TBCK: variants seen among roughly 807,000 people sequenced by gnomAD.
TBCK encodes the protein TBC domain-containing protein kinase-like protein.
Under a neutral mutation model 113.4 loss-of-function variants are expected in TBCK, and 99 were observed. That is an observed-to-expected ratio of 0.87 (90% CI 0.74 to 1.03). The LOEUF (loss-of-function observed/expected upper bound fraction) is 1.03. TBCK is among the 50% of genes least tolerant of loss of function. The pLI is 0.00. For synonymous variants in TBCK, 369 were observed against 370.8 expected (o/e 1.00, Z 0.05); for missense variants, 1,045 against 1,061.3 (o/e 0.98, Z 0.21).
chr4:106,127,005 C>T (rs1402568532), intron 23 of TBCK, among the ~76,000 whole-genome samples: 2 of 151,820 alleles, frequency 1.3e-5, no homozygotes, highest in East Asian at 1.9e-4. Flanking sequence ...GTGAGGAGAT[C>T]GAGACTATTC....
intron 11 of TBCK, among the ~76,000 whole-genome samples, chr4:106,243,652 T>C (rs1196662518): frequency 6.6e-6 from 1 of 151,866 alleles, no homozygotes; most frequent in East Asian, 1.9e-4. Context: ...TACAGTTGCC[T>C]ACAATAATCA....
At chr4:106,252,278 C>T (rs574657469) in intron 5 of TBCK, among the ~76,000 whole-genome samples, 2 of 152,206 alleles carry the variant, frequency 1.3e-5, no homozygotes, top group South Asian at 4.1e-4. Flanking sequence ...GTTTTTAACA[C>T]AGTCCTCTAG....
intron 23 of TBCK, among the ~76,000 whole-genome samples, chr4:106,147,692 C>A (rs989402588): frequency 5.9e-5 from 9 of 152,042 alleles, no homozygotes; most frequent in African/African-American, 2.2e-4. Context: ...GGATGTATGT[C>A]CCCTCAGGAC....
At chr4:106,180,077 T>C (rs1228425228) in intron 22 of TBCK, among the ~76,000 whole-genome samples, 1 of 152,068 alleles carries the variant, frequency 6.6e-6, no homozygotes, top group Admixed American at 6.6e-5. Flanking sequence ...CTATAGTTTC[T>C]GAATCTTCTC....
At chr4:106,101,968 C>T (rs75755084) in intron 24 of TBCK, among the ~76,000 whole-genome samples, 209 of 152,306 alleles carry the variant, frequency 1.4e-3, no homozygotes, top group Non-Finnish European at 2.4e-3. Flanking sequence ...TTATAAAATG[C>T]AATTTTTGTT....
intron 12 of TBCK, chr4:106,237,662 T>C (rs1759622889): frequency 2.6e-6 from 1 of 381,526 alleles, no homozygotes; most frequent in African/African-American, 2.1e-5. Flanking sequence ...AAAAATCTTT[T>C]ACTCAAACTA....
chr4:106,238,331 T>G (rs1257386790), intron 12 of TBCK, among the ~76,000 whole-genome samples: 1 of 152,092 alleles, frequency 6.6e-6, no homozygotes, highest in Non-Finnish European at 1.5e-5. Flanking sequence ...AGACAAGAGA[T>G]TCTAATACTC....
chr4:106,222,445 C>A (rs1448807504), intron 19 of TBCK, among the ~76,000 whole-genome samples: 1 of 152,104 alleles, frequency 6.6e-6, no homozygotes, highest in African/African-American at 2.4e-5. Context: ...GACAAAATTT[C>A]AGAAAGCCCT....
intron 23 of TBCK, among the ~76,000 whole-genome samples, chr4:106,120,380 G>T (rs1248818098): frequency 2.0e-5 from 3 of 152,122 alleles, no homozygotes; most frequent in Non-Finnish European, 2.9e-5. Context: ...GCGGCAGCGA[G>T]GCTGGGGGAG....
chr4:106,251,942 G>A lies in TBCK; in HGVS notation c.521C>T (p.Pro174Leu). 1 of 1,611,838 alleles carries A rather than the reference G, an allele frequency of 6.2e-7. No individual in the cohort carries two copies. The highest frequency in any genetic ancestry group is 8.5e-7 in the Non-Finnish European group (1 of 1,178,548). Residue 174 changes from proline to leucine, a missense_variant, in exon 6 of 26, where the codon CCA becomes CTA. Pro to Leu is a moderately conservative substitution (Grantham distance 98). Coordinates refer to ENST00000394708, the MANE Select transcript of TBCK (RefSeq NM_001163435.3). ...QGIFKTTDHMPSKKPLPSGPK... is the reference protein window; with the variant it reads ...QGIFKTTDHMLSKKPLPSGPK... ...GCCAGAAGGCAATGGTTTTTTACTT[G>A]GCATGTGATCAGTGGTTTTGAAAAT...
At chr4:106,141,082 A>C (rs1747105335) in intron 23 of TBCK, among the ~76,000 whole-genome samples, 1 of 140,750 alleles carries the variant, frequency 7.1e-6, no homozygotes, top group Non-Finnish European at 1.6e-5. Flanking sequence ...TCAAGCAAAA[A>C]GACAGCAAAA....
upstream of TBCK, chr4:106,316,570 C>A (rs1768910040): frequency 6.4e-7 from 1 of 1,551,602 alleles, no homozygotes; most frequent in East Asian, 2.4e-5. Context: ...GTGGCTGTCT[C>A]GGAACCCGTG....
At chr4:106,073,850 G>A (rs570496371) in intron 25 of TBCK, among the ~76,000 whole-genome samples, 9 of 152,284 alleles carry the variant, frequency 5.9e-5, no homozygotes, top group Admixed American at 2.0e-4. Flanking sequence ...CTAGGCTGCC[G>A]CCTCACAGTT....
chr4:106,134,006 G>A (rs117861064), intron 23 of TBCK, among the ~76,000 whole-genome samples: 3,191 of 149,426 alleles, frequency 0.021, 42 homozygotes, highest in Middle Eastern at 0.055. Context: ...GTGAGATTCC[G>A]TCTCAAACAA....
intron 25 of TBCK, among the ~76,000 whole-genome samples, chr4:106,080,950 C>A (rs1477954280): frequency 1.3e-5 from 2 of 152,128 alleles, no homozygotes; most frequent in African/African-American, 2.4e-5. Flanking sequence ...TAGAGAAATG[C>A]AAATTAAAAC....
At chr4:106,095,419 T>C in intron 25 of TBCK, 63 bp downstream of exon 25, 1 of 1,468,122 alleles carries the variant, frequency 6.8e-7, no homozygotes, top group South Asian at 1.3e-5. Context: ...TTAGATAACC[T>C]TCATATAGAA....
intron 1 of TBCK, among the ~76,000 whole-genome samples, chr4:106,314,696 C>T (rs1047708084): frequency 7.0e-6 from 1 of 143,194 alleles, no homozygotes; most frequent in African/African-American, 2.6e-5. Context: ...ATGATCTCGG[C>T]TCACTGCATC....
At chr4:106,315,340 GA>G (rs1768687722) in intron 1 of TBCK, among the ~76,000 whole-genome samples, 1 of 152,136 alleles carries the variant, frequency 6.6e-6, no homozygotes, top group Admixed American at 6.5e-5. Flanking sequence ...AATGGGGAAA[GA>G]AAGTAAAAAA....
chr4:106,169,185 A>C (rs1174314000), intron 23 of TBCK, among the ~76,000 whole-genome samples: 1 of 152,126 alleles, frequency 6.6e-6, no homozygotes, highest in African/African-American at 2.4e-5. Flanking sequence ...AATAGCAGCA[A>C]GTTATTTTGT....
Sources: allele counts gnomAD v4.1 joint callset (sites outside exome capture counted in the v4.1 genomes callset), GRCh38; gene constraint gnomAD v4.1.1; transcripts MANE v1.5; gene names NCBI Gene and HGNC (gene_info 2026-07-23, HGNC 2026-07-21).